CAMK1D: variants seen among roughly 807,000 people sequenced by gnomAD.
The protein encoded by CAMK1D is calcium/calmodulin dependent protein kinase ID, also known as calcium/calmodulin-dependent protein kinase type 1D.
A neutral mutation model predicts 47.7 loss-of-function variants in CAMK1D; 9 were observed. That is an observed-to-expected ratio of 0.19 (90% CI 0.11 to 0.33). CAMK1D has a LOEUF of 0.33. Ranked by LOEUF, CAMK1D falls within the 10% of genes least tolerant of loss-of-function variation. CAMK1D has a pLI of 1.00. For synonymous variants in CAMK1D, 184 were observed against 184.9 expected, an observed-to-expected ratio of 0.99 and a Z score of 0.04; for missense variants, 291 against 488.7, an observed-to-expected ratio of 0.60 and a Z score of 3.81.
intron 2 of CAMK1D, among the ~76,000 whole-genome samples, chr10:12,642,062 A>G (rs909382182): frequency 6.6e-6 from 1 of 151,130 alleles, no homozygotes; most frequent in African/African-American, 2.4e-5. Flanking sequence ...AAAAAAAAAA[A>G]GAAAGAAAAG....
chr10:12,503,992 C>G (rs1834787573), intron 1 of CAMK1D, among the ~76,000 whole-genome samples: 1 of 152,118 alleles, frequency 6.6e-6, no homozygotes, highest in South Asian at 2.1e-4. Flanking sequence ...ACCTGCTTTC[C>G]CGCATCCACT....
At position 12,596,812 on chromosome 10, in the gene CAMK1D, C is replaced by G. The variant is rs950348924; in HGVS notation, c.224+43456C>G. ...TCTACTCCTCCTGGCCTCCAGTCCC[C>G]CTTTCCCACCCACATTTTTTTTTTA... On this transcript the variant is annotated intron_variant, in intron 2 of 10. Transcript: ENST00000619168. Among the ~76,000 whole-genome samples, 3 of 152,120 alleles carry G rather than the reference C, an allele frequency of 2.0e-5. No homozygotes were observed. The East Asian group carries it at 5.8e-4, about 29-fold the overall frequency.
intron 1 of CAMK1D, among the ~76,000 whole-genome samples, chr10:12,528,538 A>G (rs969508575): frequency 2.6e-5 from 4 of 152,194 alleles, no homozygotes; most frequent in Non-Finnish European, 2.9e-5. Flanking sequence ...ACGTACCCAC[A>G]TATTCAAATA....
chr10:12,752,024 C>T (rs1333302934), intron 3 of CAMK1D, among the ~76,000 whole-genome samples: 9 of 151,598 alleles, frequency 5.9e-5, no homozygotes, highest in African/African-American at 1.7e-4. Context: ...CTCTGTCACC[C>T]GGGCCGGAGT....
At chr10:12,439,772 G>T (rs1832731452) in intron 1 of CAMK1D, among the ~76,000 whole-genome samples, 1 of 152,262 alleles carries the variant, frequency 6.6e-6, no homozygotes, top group Non-Finnish European at 1.5e-5. Context: ...TTTTCACGCT[G>T]CTGATGAAGA....
chr10:12,621,783 CTTACTTT>C (rs1839005417), intron 2 of CAMK1D, among the ~76,000 whole-genome samples: 1 of 124,104 alleles, frequency 8.1e-6, no homozygotes, highest in Non-Finnish European at 1.9e-5. Context: ...CCTTGCTGAA[CTTACTTT>C]TTAGTTCTAG....
intron 3 of CAMK1D, among the ~76,000 whole-genome samples, chr10:12,707,047 A>T (rs898135568): frequency 1.3e-5 from 2 of 152,188 alleles, no homozygotes; most frequent in African/African-American, 2.4e-5. Flanking sequence ...ATACAACTTA[A>T]CAGGCACATA....
chr10:12,378,565 G>A (rs989543648), intron 1 of CAMK1D, among the ~76,000 whole-genome samples: 1 of 150,266 alleles, frequency 6.7e-6, no homozygotes, highest in African/African-American at 2.4e-5. Flanking sequence ...TTGAACAAGG[G>A]TATCCCCATT....
chr10:12,637,785 C>T (rs911224842), intron 2 of CAMK1D, among the ~76,000 whole-genome samples: 1 of 152,100 alleles, frequency 6.6e-6, no homozygotes, highest in Non-Finnish European at 1.5e-5. Context: ...TATATTGAGG[C>T]GGCTCACTCA....
chr10:12,547,791 G>A (rs1351167932), intron 1 of CAMK1D, among the ~76,000 whole-genome samples: 1 of 152,102 alleles, frequency 6.6e-6, no homozygotes, highest in African/African-American at 2.4e-5. Flanking sequence ...CCTGGAACAG[G>A]GGAAGTGTCT....
Position 12,409,273 on chromosome 10 carries a change from C to T in CAMK1D, c.92+59363C>T, listed in dbSNP as rs77588833. Among the ~76,000 whole-genome samples the T allele has an allele frequency of 9.6e-3, 1,458 of 152,124 alleles. 25 individuals carry two copies. Among genetic ancestry groups the T allele is most frequent in the African/African-American group, 0.033 (1,362 of 41,486 alleles). ...CCGAGACCCCTCATGGTCCCTATTA[C>T]GGTGGACTTGGCGCCTACACTCATG... is the stretch of plus-strand genomic sequence containing the variant. On this transcript the variant is annotated intron_variant, in intron 1 of 10. Coordinates refer to ENST00000619168, the MANE Select transcript of CAMK1D (RefSeq NM_153498.4).
chr10:12,767,220 C>G (rs543781068), intron 4 of CAMK1D, among the ~76,000 whole-genome samples: 2 of 152,028 alleles, frequency 1.3e-5, no homozygotes, highest in Non-Finnish European at 2.9e-5. Flanking sequence ...TCTTTTTGCC[C>G]AGGCTGGAGT....
intron 2 of CAMK1D, among the ~76,000 whole-genome samples, chr10:12,632,321 A>G (rs546778532): frequency 6.6e-6 from 1 of 152,326 alleles, no homozygotes; most frequent in South Asian, 2.1e-4. Context: ...ACTTCCAGGC[A>G]GGGGAATAGG....
chr10:12,538,463 T>A (rs1288791936), intron 1 of CAMK1D, among the ~76,000 whole-genome samples: 1 of 152,196 alleles, frequency 6.6e-6, no homozygotes, highest in Non-Finnish European at 1.5e-5. Context: ...TGTATCCAGT[T>A]TTTATGTTTA....
At chr10:12,794,642 C>T (rs1246558245) in intron 6 of CAMK1D, among the ~76,000 whole-genome samples, 1 of 152,142 alleles carries the variant, frequency 6.6e-6, no homozygotes, top group African/African-American at 2.4e-5. Context: ...ACTAGCTTTG[C>T]CCCAGAGACT....
intron 2 of CAMK1D, among the ~76,000 whole-genome samples, chr10:12,633,632 G>A (rs764607445): frequency 6.6e-6 from 1 of 151,980 alleles, no homozygotes; most frequent in Non-Finnish European, 1.5e-5. Flanking sequence ...TCATGGCTCA[G>A]GGCAGCCTCA....
intron 1 of CAMK1D, among the ~76,000 whole-genome samples, chr10:12,470,248 T>C (rs7900817): frequency 0.42 from 64,578 of 152,012 alleles, 14,210 homozygotes; most frequent in Non-Finnish European, 0.48. Context: ...TTTAGGAAAG[T>C]GTGCCATGCC....
rs369287962 is a variant in CAMK1D, at chr10:12,695,947, G to A, written c.299+29137G>A. On this transcript the variant is annotated intron_variant, in intron 3 of 10. Coordinates refer to ENST00000619168, the MANE Select transcript of CAMK1D (RefSeq NM_153498.4). ...CAAAAAATTAGCTGGGCCTGGTGGC[G>A]GACGCCTGTAGTCCCAGCTACTTGG... Among the ~76,000 whole-genome samples, 32 of 151,826 alleles carry A rather than the reference G, an allele frequency of 2.1e-4. No homozygotes were observed. The East Asian group carries it at 4.9e-3, about 23-fold the overall frequency.
chr10:12,642,852 A>G (rs1839703202), intron 2 of CAMK1D, among the ~76,000 whole-genome samples: 1 of 152,224 alleles, frequency 6.6e-6, no homozygotes, highest in Admixed American at 6.5e-5. Flanking sequence ...AGTTTTTCCC[A>G]GTATACTTGA....
Sources: allele counts gnomAD v4.1 joint callset (sites outside exome capture counted in the v4.1 genomes callset), GRCh38; gene constraint gnomAD v4.1.1; transcripts MANE v1.5; gene names NCBI Gene and HGNC (gene_info 2026-07-23, HGNC 2026-07-21).